Variants in KLF8 observed in about 807,000 individuals in gnomAD.
KLF8 encodes the protein KLF transcription factor 8.
KLF8 carries 10 observed loss-of-function variants against 18.2 expected under a neutral mutation model. The ratio of observed to expected loss-of-function variants is 0.55; its 90% CI spans 0.34 to 0.93. The LOEUF is 0.93. Among genes scored for constraint, KLF8 ranks in the 40% least tolerant of loss-of-function variants. The probability of loss-of-function intolerance (pLI) is 0.02; values close to 1 mark genes in which losing one functional copy is unlikely to be tolerated. For missense variants in KLF8, 264 were observed against 277.9 expected (o/e 0.95, Z 0.36); for synonymous variants, 109 against 97.3 (o/e 1.12, Z -0.71).
the KLF8 span, among the ~76,000 whole-genome samples, chrX:56,107,912 C>T: frequency 8.9e-6 from 1 of 111,880 alleles, no homozygotes; most frequent in African/African-American, 3.2e-5. Flanking sequence ...TTTTAGTGGA[C>T]AAATCTTTCA....
chrX:55,939,560 A>G, the KLF8 span, among the ~76,000 whole-genome samples: 1,026 of 111,725 alleles, frequency 9.2e-3, 8 homozygotes, highest in Non-Finnish European at 0.016. Context: ...GACACAAAAA[A>G]CCCTTCAAAA....
the KLF8 span, chrX:55,908,538 G>A: frequency 3.4e-6 from 1 of 295,947 alleles, no homozygotes; most frequent in African/African-American, 2.7e-5. Context: ...GAGAAAGTAG[G>A]GAAAAGGAAG....
chrX:56,079,011 C>T, the KLF8 span, among the ~76,000 whole-genome samples: 13 of 110,888 alleles, frequency 1.2e-4, no homozygotes, highest in East Asian at 8.5e-4. Flanking sequence ...TTTTTTATCA[C>T]GTCTACTTGA....
At chrX:56,138,834 AAG>A in the KLF8 span, among the ~76,000 whole-genome samples, 2 of 111,377 alleles carry the variant, frequency 1.8e-5, no homozygotes, top group Non-Finnish European at 3.8e-5. Context: ...AGGCAAGAAA[AAG>A]AGAAAAAAGT....
chrX:56,081,013 C>T, the KLF8 span, among the ~76,000 whole-genome samples: 4 of 110,841 alleles, frequency 3.6e-5, no homozygotes, highest in Admixed American at 1.9e-4. Flanking sequence ...CTCCTTTAAG[C>T]ACTTCTCTGT....
At chrX:56,212,336 G>A in the KLF8 span, among the ~76,000 whole-genome samples, 1 of 81,742 alleles carries the variant, frequency 1.2e-5, no homozygotes. Context: ...GTTTCAATAT[G>A]TCTTGTGCCC....
the KLF8 span, among the ~76,000 whole-genome samples, chrX:55,989,157 A>G: frequency 8.0e-5 from 9 of 111,985 alleles, no homozygotes; most frequent in East Asian, 2.5e-3. Context: ...AACAGGGACA[A>G]TTTGACTTCC....
At chrX:55,983,475 A>C in the KLF8 span, among the ~76,000 whole-genome samples, 1 of 111,902 alleles carries the variant, frequency 8.9e-6, no homozygotes, top group Non-Finnish European at 1.9e-5. Flanking sequence ...GTATTATTCA[A>C]GAATTATACT....
At chrX:56,176,072 T>C in the KLF8 span, among the ~76,000 whole-genome samples, 3 of 112,165 alleles carry the variant, frequency 2.7e-5, no homozygotes, top group Non-Finnish European at 5.6e-5. Context: ...TGGTGTCTTT[T>C]AATTGGAGCA....
At chrX:56,144,164 C>A in the KLF8 span, among the ~76,000 whole-genome samples, 1 of 111,622 alleles carries the variant, frequency 9.0e-6, no homozygotes, top group Non-Finnish European at 1.9e-5. Flanking sequence ...TTACCATATA[C>A]AAATATTAAC....
the KLF8 span, among the ~76,000 whole-genome samples, chrX:56,167,992 T>G: frequency 8.9e-6 from 1 of 112,034 alleles, no homozygotes. Flanking sequence ...TGGAGCTATA[T>G]CTCCACATAT....
chrX:56,136,762 A>T, the KLF8 span, among the ~76,000 whole-genome samples: 1 of 110,966 alleles, frequency 9.0e-6, no homozygotes, highest in East Asian at 2.8e-4. Context: ...ATGGGATCTA[A>T]TTAAACTAAA....
the KLF8 span, among the ~76,000 whole-genome samples, chrX:56,066,951 G>A: frequency 1.0e-3 from 111 of 110,133 alleles, no homozygotes; most frequent in Non-Finnish European, 1.9e-3. Context: ...ATCATGCTGG[G>A]AATTTGGACT....
chrX:56,118,298 T>C, the KLF8 span, among the ~76,000 whole-genome samples: 1 of 111,787 alleles, frequency 8.9e-6, no homozygotes, highest in African/African-American at 3.3e-5. Context: ...ATCTGGCACC[T>C]ATTGCTCAAT....
chrX:56,126,889 A>T, the KLF8 span, among the ~76,000 whole-genome samples: 2 of 107,987 alleles, frequency 1.9e-5, no homozygotes, highest in South Asian at 4.1e-4. Flanking sequence ...AGTAGCTGGG[A>T]TTACAGGCGC....
At chrX:56,188,423 A>G in the KLF8 span, among the ~76,000 whole-genome samples, 1 of 112,023 alleles carries the variant, frequency 8.9e-6, no homozygotes, top group Non-Finnish European at 1.9e-5. Context: ...AAGAATCAAT[A>G]TCATGAAAAT....
the KLF8 span, among the ~76,000 whole-genome samples, chrX:55,965,986 A>G: frequency 8.9e-5 from 10 of 112,215 alleles, no homozygotes; most frequent in African/African-American, 1.3e-4. Context: ...GTGAATATCA[A>G]TGTTAGCCTA....
At chrX:55,913,362 G>C in the KLF8 span, among the ~76,000 whole-genome samples, 2 of 111,434 alleles carry the variant, frequency 1.8e-5, no homozygotes, top group African/African-American at 6.5e-5. Flanking sequence ...GTGACTATTT[G>C]GAGACAGGGT....
At chrX:55,930,593 AG>A in the KLF8 span, among the ~76,000 whole-genome samples, 1 of 112,096 alleles carries the variant, frequency 8.9e-6, no homozygotes, top group South Asian at 3.7e-4. Flanking sequence ...TTTAGCATGA[AG>A]GGCTGTTGCA....
Sources: gnomAD v4.1 joint callset for allele counts (sites outside exome capture counted in the v4.1 genomes callset) on GRCh38, gnomAD v4.1.1 for gene constraint, MANE v1.5 for transcripts, NCBI Gene and HGNC (gene_info 2026-07-23, HGNC 2026-07-21) for gene names.